The following CPED1 variants were observed in gnomAD, a reference collection of about 807,000 sequenced individuals.
The protein encoded by CPED1 is cadherin-like and PC-esterase domain-containing protein 1.
CPED1 carries 114 observed loss-of-function variants against 128.2 expected under a neutral mutation model. That is an observed-to-expected ratio of 0.89 (90% CI 0.76 to 1.04). The LOEUF (loss-of-function observed/expected upper bound fraction) is 1.04, where lower values mean the gene tolerates loss of function less well. Among genes scored for constraint, CPED1 ranks in the 50% least tolerant of loss-of-function variants. The pLI is 0.00. For synonymous variants in CPED1, 462 were observed against 426.7 expected (o/e 1.08, Z -1.02); for missense variants, 1,211 against 1,207.1 (o/e 1.00, Z -0.05).
chr7:121,084,677 A>G (rs1402992076), intron 5 of CPED1, among the ~76,000 whole-genome samples: 1 of 152,246 alleles, frequency 6.6e-6, no homozygotes, highest in African/African-American at 2.4e-5. Context: ...AAATGAGTAA[A>G]ACTGAGTTTA....
chr7:121,248,056 C>A (rs950457773), intron 18 of CPED1, among the ~76,000 whole-genome samples: 1 of 152,192 alleles, frequency 6.6e-6, no homozygotes, highest in Non-Finnish European at 1.5e-5. Flanking sequence ...GATCCCCTAG[C>A]GCACCTGAAA....
At chr7:121,164,576 CTT>C (rs1236005244) in intron 16 of CPED1, among the ~76,000 whole-genome samples, 1 of 152,168 alleles carries the variant, frequency 6.6e-6, no homozygotes, top group African/African-American at 2.4e-5. Context: ...TATCTAGTGA[CTT>C]TCCAGCTGAT....
chr7:121,120,966 TAAA>T (rs539242359), intron 7 of CPED1, among the ~76,000 whole-genome samples: 6,575 of 91,748 alleles, frequency 0.072, 129 homozygotes, highest in Middle Eastern at 0.14. Flanking sequence ...GTTCCTGACC[TAAA>T]AAAAAAAAAA....
At chr7:121,256,541 C>CA (rs1213160306) in intron 18 of CPED1, among the ~76,000 whole-genome samples, 1 of 151,978 alleles carries the variant, frequency 6.6e-6, no homozygotes. Flanking sequence ...ACTGAAAAGT[C>CA]AAAAAACAAC....
intron 7 of CPED1, among the ~76,000 whole-genome samples, chr7:121,106,555 C>T (rs1188484845): frequency 6.6e-6 from 1 of 152,050 alleles, no homozygotes; most frequent in East Asian, 1.9e-4. Flanking sequence ...TTCATTCCTT[C>T]TTCCCTCCTT....
At chr7:121,082,046 C>A (rs1359064799) in intron 5 of CPED1, among the ~76,000 whole-genome samples, 2 of 152,246 alleles carry the variant, frequency 1.3e-5, no homozygotes, top group South Asian at 2.1e-4. Context: ...AAGGAATTTA[C>A]AGTGATGGCA....
chr7:121,140,821 T>A lies in CPED1; in HGVS notation c.1700-6T>A. 6.2e-7 allele frequency: 1 copy of A among 1,600,182 alleles called. No homozygotes were observed. On this transcript the variant is annotated splice_polypyrimidine_tract_variant and splice_region_variant and intron_variant, in intron 14 of 22. Transcript: ENST00000310396. ...GTCTTTGTCATTGTTTTTGTTTTTT[T>A]AACAGATGAAAACACACCATGTCAT...
At chr7:121,032,269 A>AT (rs1792753200) in intron 3 of CPED1, among the ~76,000 whole-genome samples, 1 of 152,152 alleles carries the variant, frequency 6.6e-6, no homozygotes, top group Non-Finnish European at 1.5e-5. Flanking sequence ...TGCTATACAA[A>AT]TTTTTAGTAG....
rs1398679817 is a variant in CPED1 at position 121,140,918 on chromosome 7, C to T, written c.1791C>T (p.Tyr597=). Residue 597 remains tyrosine (Y), a synonymous_variant, in exon 15 of 23, where the codon TAC becomes TAT. Transcript: ENST00000310396. Reference sequence around the variant, plus strand: ...TTCATCCAAAGATCAAAGATTATTACTGTGAAGTCCCATTTGATGTGGTAA... The same window carrying T: ...TTCATCCAAAGATCAAAGATTATTATTGTGAAGTCCCATTTGATGTGGTAA... ...PDFHPKIKDY[Y]CEVPFDVVTV... 1 of 1,612,388 alleles carries T rather than the reference C, an allele frequency of 6.2e-7. No individual in the cohort carries two copies. Among genetic ancestry groups the T allele is most frequent in the African/African-American group, 1.3e-5 (1 of 74,926 alleles).
At chr7:121,194,022 C>CTATA (rs1231718616) in intron 16 of CPED1, among the ~76,000 whole-genome samples, 13 of 74,740 alleles carry the variant, frequency 1.7e-4, no homozygotes, top group African/African-American at 5.9e-4. Context: ...CTCTCTCTCT[C>CTATA]TATATATATA....
At chr7:121,258,911 C>T (rs1044328410) in intron 18 of CPED1, among the ~76,000 whole-genome samples, 5 of 152,026 alleles carry the variant, frequency 3.3e-5, no homozygotes, top group Admixed American at 1.3e-4. Flanking sequence ...CACATCACAG[C>T]AAGCTTCTAC....
chr7:121,133,057 G>T (rs1795710199), intron 12 of CPED1, among the ~76,000 whole-genome samples: 2 of 151,978 alleles, frequency 1.3e-5, no homozygotes, highest in Non-Finnish European at 2.9e-5. Context: ...AAAGAAAATT[G>T]TATTTAACTC....
chr7:121,005,795 C>A (rs79677800), intron 2 of CPED1, among the ~76,000 whole-genome samples: 4 of 152,080 alleles, frequency 2.6e-5, no homozygotes, highest in African/African-American at 9.7e-5. Flanking sequence ...TAATATCTTA[C>A]GCTTGTGTGG....
At chr7:121,121,381 A>G (rs114011629) in intron 7 of CPED1, among the ~76,000 whole-genome samples, 3 of 152,322 alleles carry the variant, frequency 2.0e-5, no homozygotes, top group African/African-American at 7.2e-5. Context: ...AATTTTACAC[A>G]GGTACAAACA....
intron 7 of CPED1, among the ~76,000 whole-genome samples, chr7:121,108,558 G>C (rs1026017417): frequency 1.3e-5 from 2 of 151,858 alleles, no homozygotes; most frequent in Admixed American, 1.3e-4. Flanking sequence ...ATAAACTTGT[G>C]AGTATACATT....
intron 16 of CPED1, among the ~76,000 whole-genome samples, chr7:121,160,745 C>T (rs1211372989): frequency 1.3e-5 from 2 of 152,100 alleles, no homozygotes; most frequent in Non-Finnish European, 2.9e-5. Context: ...CCACAGTCCC[C>T]AGAGTTAAAG....
intron 7 of CPED1, among the ~76,000 whole-genome samples, chr7:121,108,895 C>T (rs1795044126): frequency 6.6e-6 from 1 of 152,016 alleles, no homozygotes; most frequent in African/African-American, 2.4e-5. Flanking sequence ...AACTTTTTTC[C>T]TTGGAAAAAC....
intron 16 of CPED1, among the ~76,000 whole-genome samples, chr7:121,162,653 C>T (rs565418467): frequency 1.4e-4 from 22 of 152,302 alleles, no homozygotes; most frequent in Non-Finnish European, 2.5e-4. Context: ...ATTCCAAGCT[C>T]CAGGTGAAGT....
chr7:121,205,638 T>A (rs1797499902), intron 16 of CPED1, among the ~76,000 whole-genome samples: 1 of 152,118 alleles, frequency 6.6e-6, no homozygotes, highest in East Asian at 1.9e-4. Flanking sequence ...AATAAATAAA[T>A]ACAATGTATG....
Sources: allele counts gnomAD v4.1 joint callset (sites outside exome capture counted in the v4.1 genomes callset), GRCh38; gene constraint gnomAD v4.1.1; transcripts MANE v1.5; gene names NCBI Gene and HGNC (gene_info 2026-07-23, HGNC 2026-07-21).